Variants in ZNF385D observed in about 807,000 individuals in gnomAD.
ZNF385D encodes zinc finger protein 659.
ZNF385D carries 15 observed loss-of-function variants against 35.8 expected under a neutral mutation model. The ratio of observed to expected loss-of-function variants is 0.42; its 90% CI spans 0.28 to 0.64. The LOEUF is 0.64. ZNF385D is among the 30% of genes least tolerant of loss of function. ZNF385D has a pLI of 0.23. For missense variants in ZNF385D, 474 were observed against 494.6 expected (o/e 0.96, Z 0.39); for synonymous variants, 212 against 186.8 (o/e 1.13, Z -1.10).
At chr3:22,198,903 G>A (rs934432545) in intron 2 of ZNF385D, among the ~76,000 whole-genome samples, 19 of 152,036 alleles carry the variant, frequency 1.2e-4, no homozygotes, top group African/African-American at 4.6e-4. Context: ...TTAACTGAAG[G>A]AGTGAGCAGC....
intron 3 of ZNF385D, among the ~76,000 whole-genome samples, chr3:22,098,249 C>T (rs1040230942): frequency 6.6e-6 from 1 of 152,030 alleles, no homozygotes; most frequent in Non-Finnish European, 1.5e-5. Flanking sequence ...CATAGCAACT[C>T]CCAGAAAACA....
chr3:22,246,555 T>A (rs755455367), intron 2 of ZNF385D, among the ~76,000 whole-genome samples: 36 of 152,160 alleles, frequency 2.4e-4, no homozygotes, highest in Non-Finnish European at 4.6e-4. Flanking sequence ...AGCCTAGACC[T>A]GACTTTGCTA....
At chr3:21,427,358 A>C (rs1218395909) in intron 5 of ZNF385D, among the ~76,000 whole-genome samples, 4 of 152,180 alleles carry the variant, frequency 2.6e-5, no homozygotes, top group Non-Finnish European at 5.9e-5. Context: ...ATGCCTAAGA[A>C]GTTAGTTGGA....
At chr3:21,982,289 C>T (rs1477386791) in intron 3 of ZNF385D, among the ~76,000 whole-genome samples, 4 of 151,830 alleles carry the variant, frequency 2.6e-5, no homozygotes, top group Non-Finnish European at 5.9e-5. Context: ...AGATCTTGCA[C>T]CTCCCTGGTT....
chr3:22,003,271 A>G (rs993576967), intron 3 of ZNF385D, among the ~76,000 whole-genome samples: 9 of 152,226 alleles, frequency 5.9e-5, no homozygotes, highest in African/African-American at 2.2e-4. Flanking sequence ...TAGCTTTTCT[A>G]TGTATCAATA....
intron 3 of ZNF385D, among the ~76,000 whole-genome samples, chr3:21,815,434 T>C (rs1377525629): frequency 1.3e-5 from 2 of 152,090 alleles, no homozygotes; most frequent in East Asian, 1.9e-4. Flanking sequence ...GATAGACCAC[T>C]AGCAAGACTA....
intron 3 of ZNF385D, among the ~76,000 whole-genome samples, chr3:21,996,028 T>C (rs537258722): frequency 3.9e-5 from 6 of 152,198 alleles, no homozygotes; most frequent in Admixed American, 1.3e-4. Flanking sequence ...CAGGGGAATG[T>C]CAGCAAAGCT....
intron 2 of ZNF385D, among the ~76,000 whole-genome samples, chr3:22,318,916 T>C (rs544117396): frequency 6.6e-6 from 1 of 152,308 alleles, no homozygotes; most frequent in Non-Finnish European, 1.5e-5. Flanking sequence ...GAAATATTCA[T>C]AGGTTAAGTT....
chr3:21,972,968 C>T (rs1703358803), intron 3 of ZNF385D, among the ~76,000 whole-genome samples: 1 of 151,922 alleles, frequency 6.6e-6, no homozygotes, highest in Non-Finnish European at 1.5e-5. Context: ...CCAGCGGCTT[C>T]ATTGCTGAAT....
At chr3:21,907,272 T>C (rs1393461721) in intron 3 of ZNF385D, among the ~76,000 whole-genome samples, 1 of 152,174 alleles carries the variant, frequency 6.6e-6, no homozygotes, top group Non-Finnish European at 1.5e-5. Context: ...TAATTATAAC[T>C]ATCATCCAGA....
chr3:22,162,623 A>AC (rs1442100001), intron 3 of ZNF385D, among the ~76,000 whole-genome samples: 6 of 151,774 alleles, frequency 4.0e-5, no homozygotes, highest in South Asian at 2.1e-4. Flanking sequence ...CTGGGACTCC[A>AC]CCCCCCTTGC....
At chr3:21,511,821 G>A in intron 3 of ZNF385D, 1 of 444,744 alleles carries the variant, frequency 2.2e-6, no homozygotes, top group Non-Finnish European at 4.5e-6. Flanking sequence ...TTTCCTAAGA[G>A]CATTTTTTTT....
intron 4 of ZNF385D, among the ~76,000 whole-genome samples, chr3:21,468,691 C>A (rs747743006): frequency 6.6e-6 from 1 of 151,820 alleles, no homozygotes; most frequent in Non-Finnish European, 1.5e-5. Context: ...TTTGGGAGTC[C>A]GAGGCAGGCG....
At chr3:22,005,462 T>C (rs1239537037) in intron 3 of ZNF385D, among the ~76,000 whole-genome samples, 1 of 152,038 alleles carries the variant, frequency 6.6e-6, no homozygotes, top group Admixed American at 6.6e-5. Flanking sequence ...CAACAATATA[T>C]TATATATTTT....
intron 3 of ZNF385D, among the ~76,000 whole-genome samples, chr3:22,165,448 C>T (rs1706250260): frequency 6.6e-6 from 1 of 152,116 alleles, no homozygotes; most frequent in African/African-American, 2.4e-5. Flanking sequence ...AATGTGTGGC[C>T]TGGCAGGGGG....
In ZNF385D at chr3:21,665,019, C is replaced by G; in HGVS notation, c.32G>C (p.Cys11Ser). Residue 11 changes from cysteine to serine, a missense_variant, in exon 2 of 8, where the codon TGC becomes TCC. Transcript: ENST00000281523. ...AAGGGCCGGGAGAGCAGGACTCTGG[C>G]ATGTACCACCTGTGAAGACCAGAGC... MRNIMYFGGT[C>S]QSPALPALVR... 15 of 1,609,552 alleles carry G rather than the reference C, an allele frequency of 9.3e-6. No individual in the cohort carries two copies. Among genetic ancestry groups the G allele is most frequent in the Non-Finnish European group, 1.3e-5 (15 of 1,177,772 alleles).
chr3:21,897,966 A>G (rs9810048), intron 3 of ZNF385D, among the ~76,000 whole-genome samples: 2,793 of 152,190 alleles, frequency 0.018, 87 homozygotes, highest in African/African-American at 0.062. Context: ...TTCCACCTTT[A>G]TATCAACCAA....
At chr3:22,140,477 G>A (rs756550647) in intron 3 of ZNF385D, among the ~76,000 whole-genome samples, 9 of 152,096 alleles carry the variant, frequency 5.9e-5, no homozygotes, top group Non-Finnish European at 8.8e-5. Flanking sequence ...CCGGTTGTGG[G>A]CATGGTTATG....
At chr3:22,111,623 C>T (rs1032021824) in intron 3 of ZNF385D, among the ~76,000 whole-genome samples, 3 of 152,142 alleles carry the variant, frequency 2.0e-5, no homozygotes, top group Admixed American at 6.6e-5. Flanking sequence ...TATTTCCTTT[C>T]ACTGACTTAG....
Sources: allele counts gnomAD v4.1 joint callset (sites outside exome capture counted in the v4.1 genomes callset), GRCh38; gene constraint gnomAD v4.1.1; transcripts MANE v1.5; gene names NCBI Gene and HGNC (gene_info 2026-07-23, HGNC 2026-07-21).